Variants in RUFY2 observed in about 807,000 individuals in gnomAD.
RUFY2 encodes the protein RUN and FYVE domain-containing protein 2.
A neutral mutation model predicts 94.4 loss-of-function variants in RUFY2; 49 were observed. The ratio of observed to expected loss-of-function variants is 0.52; its 90% CI spans 0.41 to 0.66. The LOEUF is 0.66. Among genes scored for constraint, RUFY2 ranks in the 30% least tolerant of loss-of-function variants. The pLI, the probability that RUFY2 is intolerant of heterozygous loss-of-function variation, is 0.00. For synonymous variants in RUFY2, 255 were observed against 235.7 expected (o/e 1.08, Z -0.75); for missense variants, 541 against 692.8 (o/e 0.78, Z 2.46).
At position 68,376,988 on chromosome 10, in the gene RUFY2, T is replaced by C. The variant is rs778739263; in HGVS notation, c.1206-16A>G. 6 of 1,612,942 alleles carry C rather than the reference T, an allele frequency of 3.7e-6. No homozygotes were observed. The highest frequency in any genetic ancestry group is 2.2e-5 in the South Asian group (2 of 91,026). On this transcript the variant is annotated splice_polypyrimidine_tract_variant and intron_variant, in intron 12 of 17. Coordinates refer to ENST00000602465, the MANE Select transcript of RUFY2 (RefSeq NM_001330103.2). ...TTGCTGCAATCTGGTGTAATTCAAA[T>C]CAACTTTGGGTAAAACTGAGGCTAG...
In RUFY2 at chr10:68,343,909, T is replaced by C. The variant is rs1037134028; in HGVS notation, c.*1859A>G. 1.3e-5 allele frequency: 2 copies of C among 151,944 alleles called. No individual in the cohort carries two copies. The highest frequency in any genetic ancestry group is 1.9e-4 in the East Asian group (1 of 5,200). The allele number at this position is 151,944 out of a possible 1,614,324, so 9.4% of individuals were successfully genotyped here. ...TAAAGGATGACAAAATCATGGTTTGTTGAATGAAATTAGCCTTGGAATTTA... is the reference window on the plus strand; with the variant it reads ...TAAAGGATGACAAAATCATGGTTTGCTGAATGAAATTAGCCTTGGAATTTA... On this transcript the variant is annotated 3_prime_UTR_variant, in exon 18 of 18. Coordinates refer to ENST00000602465, the MANE Select transcript of RUFY2 (RefSeq NM_001330103.2).
intron 1 of RUFY2, chr10:68,405,687 A>C (rs914782113): frequency 2.9e-5 from 28 of 982,186 alleles, no homozygotes; most frequent in Non-Finnish European, 3.3e-5. Flanking sequence ...GACACAGAAG[A>C]AGCCGTCCAA....
chr10:68,380,544 T>TA (rs1166846495), intron 11 of RUFY2, among the ~76,000 whole-genome samples: 12 of 152,050 alleles, frequency 7.9e-5, no homozygotes, highest in African/African-American at 2.9e-4. Flanking sequence ...CATATCTACT[T>TA]AATAGCAATA....
chr10:68,402,459 G>C lies in RUFY2; in HGVS notation c.179-722C>G, dbSNP rs569781096. 2.0e-3 allele frequency among the ~76,000 whole-genome samples: 307 copies of C among 152,144 alleles called. 1 individual carries two copies. Among genetic ancestry groups the C allele is most frequent in the Non-Finnish European group, 2.5e-3 (168 of 68,008 alleles). The stretch of plus-strand genomic sequence containing the variant: ...CAAGATAGGCAATTTTTCCCAGGGG[G>C]AGAAAAGCACACGCACAAAGTAGCT... On this transcript the variant is annotated intron_variant, in intron 2 of 17. Transcript: ENST00000602465.
chr10:68,383,634 A>G (rs775582166), intron 10 of RUFY2, among the ~76,000 whole-genome samples, 164 bp downstream of exon 10: 3 of 152,206 alleles, frequency 2.0e-5, no homozygotes, highest in African/African-American at 4.8e-5. Flanking sequence ...CAACAATAAA[A>G]CATTGATATA....
rs78297576 is a variant in RUFY2, at chr10:68,347,144, A to T, written c.1600-1060T>A. On this transcript the variant is annotated intron_variant, in intron 16 of 17. Transcript: ENST00000602465. ...CTGTCTCAAGAAAAAGAGGGGAAAA[A>T]AAAAGGACCTCACTTTAAAAGTTTT... Among the ~76,000 whole-genome samples the T allele has an allele frequency of 5.0e-4, 76 of 152,232 alleles. 5 individuals are homozygous for T. In the East Asian group the frequency reaches 0.014, roughly 29 times the overall value.
chr10:68,351,730 G>A (rs1007363474), intron 16 of RUFY2, among the ~76,000 whole-genome samples: 2 of 150,240 alleles, frequency 1.3e-5, no homozygotes, highest in African/African-American at 4.9e-5. Context: ...TTACAGGCGT[G>A]AGCCACTGCA....
downstream of RUFY2, chr10:68,341,744 TTTTTC>T: frequency 6.3e-7 from 1 of 1,591,728 alleles, no homozygotes; most frequent in Non-Finnish European, 8.5e-7. Flanking sequence ...TTTTTTTTCT[TTTTTC>T]TTTTTAAAGA....
At chr10:68,356,123 G>A (rs1273232225) in intron 15 of RUFY2, among the ~76,000 whole-genome samples, 1 of 152,038 alleles carries the variant, frequency 6.6e-6, no homozygotes, top group African/African-American at 2.4e-5. Flanking sequence ...GGGGAGCTAG[G>A]ATTCAAACCC....
chr10:68,370,948 T>G (rs1000758989), intron 13 of RUFY2, among the ~76,000 whole-genome samples: 27 of 151,742 alleles, frequency 1.8e-4, no homozygotes, highest in African/African-American at 6.3e-4. Context: ...CTGGCTAACA[T>G]GGTGAAACCC....
At chr10:68,363,721 A>T in intron 14 of RUFY2, 37 bp from the exon 15 acceptor site, 1 of 1,344,814 alleles carries the variant, frequency 7.4e-7, no homozygotes, top group South Asian at 1.3e-5. Context: ...GAAATTTAAA[A>T]GAAAGAAACA....
intron 16 of RUFY2, among the ~76,000 whole-genome samples, chr10:68,347,984 C>T (rs955029307): frequency 6.6e-6 from 1 of 152,116 alleles, no homozygotes; most frequent in African/African-American, 2.4e-5. Flanking sequence ...ATCAAGATCA[C>T]AAGGTTAATT....
chr10:68,353,645 A>T (rs1023901105), intron 16 of RUFY2, among the ~76,000 whole-genome samples: 10 of 152,054 alleles, frequency 6.6e-5, no homozygotes, highest in South Asian at 2.1e-4. Context: ...CAAAAAATTT[A>T]AAAATTAGCC....
At chr10:68,375,404 A>G (rs1194482445) in intron 13 of RUFY2, among the ~76,000 whole-genome samples, 1 of 151,912 alleles carries the variant, frequency 6.6e-6, no homozygotes, top group African/African-American at 2.4e-5. Flanking sequence ...TACACAACAA[A>G]CACCCATGAC....
intron 15 of RUFY2, among the ~76,000 whole-genome samples, chr10:68,359,740 C>T (rs1424350884): frequency 1.3e-5 from 2 of 148,628 alleles, no homozygotes; most frequent in Non-Finnish European, 3.0e-5. Context: ...TGCAGTGAGC[C>T]GAGATTGCAC....
intron 16 of RUFY2, among the ~76,000 whole-genome samples, chr10:68,347,125 CAAGAAA>C (rs1280928611): frequency 6.6e-6 from 1 of 150,972 alleles, no homozygotes; most frequent in Non-Finnish European, 1.5e-5. Context: ...GACCCTGTCT[CAAGAAA>C]AAGAGGGGAA....
intron 7 of RUFY2, among the ~76,000 whole-genome samples, chr10:68,389,238 G>A (rs1458429784): frequency 1.3e-5 from 2 of 152,214 alleles, no homozygotes; most frequent in Non-Finnish European, 2.9e-5. Context: ...ACAAAAGTCA[G>A]ACACCAGTAT....
chr10:68,369,494 A>G (rs1190687616), intron 13 of RUFY2, among the ~76,000 whole-genome samples: 206 of 11,404 alleles, frequency 0.018, no homozygotes, highest in African/African-American at 0.098. Flanking sequence ...CAAAAAAAAA[A>G]AACAAAAAAA....
intron 13 of RUFY2, among the ~76,000 whole-genome samples, chr10:68,371,918 CA>C (rs1564809463): frequency 6.6e-6 from 1 of 152,114 alleles, no homozygotes; most frequent in East Asian, 1.9e-4. Context: ...ACTGCCAACC[CA>C]GAATTCTATA....
Sources: allele counts gnomAD v4.1 joint callset (sites outside exome capture counted in the v4.1 genomes callset), GRCh38; gene constraint gnomAD v4.1.1; transcripts MANE v1.5; gene names NCBI Gene and HGNC (gene_info 2026-07-23, HGNC 2026-07-21).